ZFAT: variants seen among roughly 807,000 people sequenced by gnomAD.
ZFAT encodes zinc finger and AT-hook domain containing.
In ZFAT, 64 loss-of-function variants were observed where a neutral mutation model predicts 117.7. The ratio of observed to expected loss-of-function variants is 0.54; its 90% confidence interval spans 0.44 to 0.67. The LOEUF is 0.67. Ranked by LOEUF, ZFAT falls within the 30% of genes least tolerant of loss-of-function variation. ZFAT has a pLI of 0.00. For missense variants in ZFAT, 1,433 were observed against 1,584.5 expected (o/e 0.90, Z 1.62); for synonymous variants, 679 against 615.0 (o/e 1.10, Z -1.54).
upstream of ZFAT, among the ~76,000 whole-genome samples, chr8:134,717,879 G>C (rs1814229769): frequency 6.6e-6 from 1 of 152,016 alleles, no homozygotes; most frequent in Non-Finnish European, 1.5e-5. Context: ...ATTTTTAGTA[G>C]AGAAGGAGTT....
rs768665687 is a variant in ZFAT, at chr8:134,601,945, C to G, written c.1774G>C (p.Val592Leu). 2 of 1,614,104 alleles carry G rather than the reference C, an allele frequency of 1.2e-6. No homozygotes were observed. Among genetic ancestry groups the G allele is most frequent in the South Asian group, 2.2e-5 (2 of 91,078 alleles). The change falls in exon 6 of 16, where the codon GTG (valine) becomes CTG (leucine). Residue 592 changes from valine to leucine, a missense_variant. Val to Leu is a conservative substitution (Grantham distance 32). This residue lies in a region of ZFAT where 372 missense variants were observed against 355.6 expected (regional missense o/e 1.05). Coordinates refer to ENST00000377838, the MANE Select transcript of ZFAT (RefSeq NM_020863.4). ...VSSSDLHSQEVVSDDFLLKND... is the reference protein window; with the variant it reads ...VSSSDLHSQELVSDDFLLKND... ...TTCAACAAAAAATCATCTGAAACCACCTCTTGAGAATGCAGGTCTGAGGAG... is the reference window on the plus strand; with the variant it reads ...TTCAACAAAAAATCATCTGAAACCAGCTCTTGAGAATGCAGGTCTGAGGAG...
At chr8:134,772,622 T>C in the ZFAT span, among the ~76,000 whole-genome samples, 1,425 of 152,326 alleles carry the variant, frequency 9.4e-3, 6 homozygotes, top group Middle Eastern at 0.017. Flanking sequence ...CAAGTGCTGA[T>C]TAAGAAGCTG....
At chr8:134,520,437 C>A (rs891449649) in intron 13 of ZFAT, among the ~76,000 whole-genome samples, 1 of 151,906 alleles carries the variant, frequency 6.6e-6, no homozygotes, top group African/African-American at 2.4e-5. Flanking sequence ...GGTTCCAACT[C>A]CTAAGGGAAA....
intron 1 of ZFAT, among the ~76,000 whole-genome samples, chr8:134,704,183 G>C (rs965254728): frequency 6.6e-6 from 1 of 152,140 alleles, no homozygotes; most frequent in South Asian, 2.1e-4. Context: ...CTCTCTCCCC[G>C]AGGAAGGGTC....
intron 3 of ZFAT, among the ~76,000 whole-genome samples, chr8:134,623,436 T>C (rs560293839): frequency 6.6e-6 from 1 of 152,286 alleles, no homozygotes; most frequent in South Asian, 2.1e-4. Context: ...CATGCCCTCT[T>C]GGATATCCTG....
the ZFAT span, among the ~76,000 whole-genome samples, chr8:134,729,340 T>C: frequency 4.5e-4 from 69 of 152,322 alleles, 1 homozygote; most frequent in East Asian, 0.013. Context: ...TTTTGTTTTG[T>C]TTTGTTTTTG....
At chr8:134,593,484 G>A (rs1223871917) in intron 7 of ZFAT, among the ~76,000 whole-genome samples, 1 of 152,206 alleles carries the variant, frequency 6.6e-6, no homozygotes, top group African/African-American at 2.4e-5. Flanking sequence ...TCCCAGCAGA[G>A]ATGGAGAGTC....
intron 11 of ZFAT, among the ~76,000 whole-genome samples, chr8:134,563,900 T>C (rs1824233004): frequency 6.6e-6 from 1 of 152,140 alleles, no homozygotes; most frequent in Non-Finnish European, 1.5e-5. Flanking sequence ...CCCAGCAGGC[T>C]TGAACCAGAA....
chr8:134,776,213 G>T, the ZFAT span, among the ~76,000 whole-genome samples: 2 of 152,330 alleles, frequency 1.3e-5, no homozygotes, highest in African/African-American at 2.4e-5. Context: ...TAAAGAAGTA[G>T]ACTGCTCTAA....
the ZFAT span, among the ~76,000 whole-genome samples, chr8:134,788,165 T>C: frequency 1.3e-5 from 2 of 152,180 alleles, no homozygotes; most frequent in Admixed American, 6.5e-5. Context: ...TCACTGACTT[T>C]TTGTCTTTTA....
chr8:134,641,592 T>G (rs1474386701), intron 2 of ZFAT, among the ~76,000 whole-genome samples: 1 of 152,144 alleles, frequency 6.6e-6, no homozygotes, highest in Non-Finnish European at 1.5e-5. Context: ...TTGTTTCGAT[T>G]TTTCCCCACC....
the ZFAT span, among the ~76,000 whole-genome samples, chr8:134,747,091 C>CT: frequency 5.2e-4 from 79 of 151,372 alleles, 1 homozygote; most frequent in East Asian, 1.9e-3. Context: ...TTCTAAAGAT[C>CT]TTTTTTTTTC....
intron 1 of ZFAT, among the ~76,000 whole-genome samples, chr8:134,712,481 C>G (rs538828231): frequency 1.3e-5 from 2 of 148,922 alleles, no homozygotes; most frequent in East Asian, 4.3e-4. Flanking sequence ...AGAAGGAAGC[C>G]CCGCCAAGGT....
intron 11 of ZFAT, among the ~76,000 whole-genome samples, chr8:134,549,036 A>C (rs1822921548): frequency 6.6e-6 from 1 of 152,160 alleles, no homozygotes; most frequent in African/African-American, 2.4e-5. Flanking sequence ...ATCACATTGA[A>C]TCTCTGAACT....
chr8:134,675,330 C>T (rs748602868), intron 1 of ZFAT, among the ~76,000 whole-genome samples: 7 of 151,922 alleles, frequency 4.6e-5, no homozygotes, highest in African/African-American at 1.2e-4. Context: ...ATAGCCAAAT[C>T]GATCAAGTAG....
chr8:134,793,974 A>G, the ZFAT span: 1 of 152,244 alleles, frequency 6.6e-6, no homozygotes, highest in African/African-American at 2.4e-5. Context: ...CATACAAAAA[A>G]TATGAAGTCA....
chr8:134,683,306 T>C (rs1833157399), intron 1 of ZFAT, among the ~76,000 whole-genome samples: 1 of 152,172 alleles, frequency 6.6e-6, no homozygotes, highest in Admixed American at 6.5e-5. Flanking sequence ...AAGCTATAAC[T>C]TGCCTAAGAA....
chr8:134,811,891 C>T, the ZFAT span, among the ~76,000 whole-genome samples: 1 of 152,174 alleles, frequency 6.6e-6, no homozygotes, highest in Non-Finnish European at 1.5e-5. Context: ...TGCCTGTGAT[C>T]CTAGCACTTC....
In ZFAT at chr8:134,478,442, T is replaced by C; in HGVS notation, c.*40A>G. ...CCCCACCCTGGGTGCCTGCAGAGCC[T>C]GGCAGCCCCGCCCTGTGGCCATCCG... On this transcript the variant is annotated 3_prime_UTR_variant, in exon 16 of 16. Coordinates refer to ENST00000377838, the MANE Select transcript of ZFAT (RefSeq NM_020863.4). This position sits in a 1 kb window ranked among gnomAD's most constrained non-coding sequence, Gnocchi z 5.2. The C allele has an allele frequency of 6.5e-7, 1 of 1,537,612 alleles. No individual in the cohort carries two copies. The highest frequency in any genetic ancestry group is 8.8e-7 in the Non-Finnish European group (1 of 1,138,266).
Sources: allele counts gnomAD v4.1 joint callset (sites outside exome capture counted in the v4.1 genomes callset), GRCh38; gene constraint gnomAD v4.1.1; regional missense constraint gnomAD v4.1.1; non-coding constraint Gnocchi (gnomAD v3.1); transcripts MANE v1.5; gene names NCBI Gene and HGNC (gene_info 2026-07-23, HGNC 2026-07-21).